Variants in ITSN1 observed in about 807,000 individuals in gnomAD.
ITSN1 encodes intersectin-1.
Under a neutral mutation model 239.8 loss-of-function variants are expected in ITSN1, and 58 were observed. The observed-to-expected ratio is 0.24, with a 90% CI of 0.20 to 0.30. The LOEUF is 0.30. Among genes scored for constraint, ITSN1 ranks in the 10% least tolerant of loss-of-function variants. The pLI, the probability that ITSN1 is intolerant of heterozygous loss-of-function variation, is 1.00. For missense variants in ITSN1, 1,558 were observed against 2,103.3 expected (o/e 0.74, Z 5.07); for synonymous variants, 780 against 770.8 (o/e 1.01, Z -0.20).
At chr21:33,642,838 C>A (rs2087517323) in intron 1 of ITSN1, 125 bp downstream of exon 1, 1 of 151,862 alleles carries the variant, frequency 6.6e-6, no homozygotes, top group South Asian at 2.1e-4. Context: ...CTTGTCTCCC[C>A]GGCCGCCCTT....
chr21:33,722,899 G>A (rs2065585573), intron 4 of ITSN1, among the ~76,000 whole-genome samples: 1 of 152,146 alleles, frequency 6.6e-6, no homozygotes, highest in Admixed American at 6.5e-5. Context: ...GAATTTCCAT[G>A]GAGACATCTA....
Position 33,834,384 on chromosome 21 carries a change from C to G in ITSN1, c.3429C>G (p.Ile1143Met), listed in dbSNP as rs1004780994. ...TTCTAAGCCCTGGGACGAGCAAAATCACTCCAACAGAGCCACCTAAGTCAA... is the reference window on the plus strand; with the variant it reads ...TTCTAAGCCCTGGGACGAGCAAAATGACTCCAACAGAGCCACCTAAGTCAA... Reference protein sequence around the residue: ...VKLLSPGTSKITPTEPPKSTA... With the variant: ...VKLLSPGTSKMTPTEPPKSTA... Residue 1143 changes from isoleucine (I) to methionine (M), a missense_variant, in exon 28 of 40, where the codon ATC (isoleucine) becomes ATG (methionine). This residue lies in a region of ITSN1 where 576 missense variants were observed against 893.3 expected (regional missense o/e 0.64). Coordinates refer to ENST00000381318, the MANE Select transcript of ITSN1 (RefSeq NM_003024.3). 6.2e-7 allele frequency: 1 copy of G among 1,613,560 alleles called. No homozygotes were observed. Among genetic ancestry groups the G allele is most frequent in the Non-Finnish European group, 8.5e-7 (1 of 1,179,720 alleles).
rs1986391633 is a variant in ITSN1 at position 33,891,950 on chromosome 21, T to C, written c.*3650T>C. ...ATTGGAAACAAAGTATGATTTGATT[T>C]GATTTGATTTCTAAGTTCTCCCTTC... is the stretch of plus-strand genomic sequence containing the variant. On this transcript the variant is annotated 3_prime_UTR_variant, in exon 40 of 40. Coordinates refer to ENST00000381318, the MANE Select transcript of ITSN1 (RefSeq NM_003024.3). The C allele has an allele frequency of 6.6e-6, 1 of 152,214 alleles. No individual in the cohort carries two copies. The allele number at this position is 152,214 out of a possible 1,614,324, so 9.4% of individuals were successfully genotyped here. A position where few individuals can be genotyped will look rare whatever the true frequency, so the allele number is the denominator to read the frequency against.
At chr21:33,802,242 G>A (rs1325791154) in intron 19 of ITSN1, among the ~76,000 whole-genome samples, 188 bp from the exon 20 acceptor site, 2 of 152,172 alleles carry the variant, frequency 1.3e-5, no homozygotes, top group Non-Finnish European at 2.9e-5. Flanking sequence ...ATGAGAAAGT[G>A]TTGCTCTTTT....
intron 22 of ITSN1, 110 bp downstream of exon 22, chr21:33,814,182 C>T: frequency 9.5e-7 from 1 of 1,049,244 alleles, no homozygotes. Context: ...TTATGTGTGT[C>T]TTGGTTGGCT....
chr21:33,650,543 G>C (rs2088423121), intron 1 of ITSN1, among the ~76,000 whole-genome samples: 2 of 152,202 alleles, frequency 1.3e-5, no homozygotes, highest in South Asian at 4.1e-4. Context: ...TATAATAGGA[G>C]TGTTCATTGT....
At chr21:33,658,471 T>C (rs1403956085) in intron 1 of ITSN1, among the ~76,000 whole-genome samples, 1 of 152,208 alleles carries the variant, frequency 6.6e-6, no homozygotes, top group African/African-American at 2.4e-5. Context: ...TACTGAATAC[T>C]GTAGGCAGCT....
intron 1 of ITSN1, among the ~76,000 whole-genome samples, chr21:33,662,482 G>C (rs1224066473): frequency 6.6e-6 from 1 of 152,062 alleles, no homozygotes; most frequent in African/African-American, 2.4e-5. Context: ...ATAGGTGATG[G>C]GGTATTGCCT....
At chr21:33,743,464 TCC>T (rs2066988523) in intron 5 of ITSN1, among the ~76,000 whole-genome samples, 1 of 152,152 alleles carries the variant, frequency 6.6e-6, no homozygotes, top group Non-Finnish European at 1.5e-5. Flanking sequence ...AGACTAGGTC[TCC>T]TAAATAAATA....
intron 29 of ITSN1, among the ~76,000 whole-genome samples, chr21:33,853,544 A>C (rs1217235900): frequency 2.0e-5 from 3 of 152,120 alleles, no homozygotes; most frequent in Non-Finnish European, 4.4e-5. Flanking sequence ...CTGAAATCCA[A>C]AGCAAGCCAG....
intron 36 of ITSN1, 57 bp downstream of exon 36, chr21:33,883,728 C>G (rs1258181677): frequency 6.3e-7 from 1 of 1,587,730 alleles, no homozygotes; most frequent in Non-Finnish European, 8.6e-7. Context: ...CTAGGACACA[C>G]AAGGGGCGGG....
At chr21:33,816,200 A>C (rs1426758485) in intron 22 of ITSN1, among the ~76,000 whole-genome samples, 1 of 152,128 alleles carries the variant, frequency 6.6e-6, no homozygotes, top group Non-Finnish European at 1.5e-5. Flanking sequence ...TCTCAAAAAA[A>C]AAAAAAGAAT....
chr21:33,775,145 A>G, intron 14 of ITSN1, 37 bp downstream of exon 14: 1 of 1,584,868 alleles, frequency 6.3e-7, no homozygotes, highest in Non-Finnish European at 8.6e-7. Flanking sequence ...ATTATATTAA[A>G]CTGGCATCCT....
intron 26 of ITSN1, 163 bp from the exon 27 acceptor site, chr21:33,829,460 TG>T: frequency 1.4e-6 from 1 of 706,452 alleles, no homozygotes; most frequent in Non-Finnish European, 2.4e-6. Context: ...CTGGTAGCTC[TG>T]GGAACGGGCG....
intron 7 of ITSN1, among the ~76,000 whole-genome samples, chr21:33,754,552 G>A (rs1446608377): frequency 6.6e-6 from 1 of 152,208 alleles, no homozygotes; most frequent in East Asian, 1.9e-4. Flanking sequence ...TGGTACCAGT[G>A]TGATATTTGT....
chr21:33,837,352 A>T lies in ITSN1; in HGVS notation c.3661+720A>T, dbSNP rs909981929. ...TTTAAATATATATTTTAGCTTTTTA[A>T]TAAACAAAATAAATAAATGACTTCT... On this transcript the variant is annotated intron_variant, in intron 29 of 39. Transcript: ENST00000381318. 7.2e-5 allele frequency: 72 copies of T among 1,006,562 alleles called. No homozygotes were observed. In the Middle Eastern group the frequency reaches 1.4e-3, roughly 20 times the overall value. The allele number at this position is 1,006,562 out of a possible 1,614,324, so 62.4% of individuals were successfully genotyped here. A position where few individuals can be genotyped will look rare whatever the true frequency, so the allele number is the denominator to read the frequency against.
rs1986845391 is a variant in ITSN1, at chr21:33,897,399, A to G, written c.*9099A>G. On this transcript the variant is annotated 3_prime_UTR_variant, in exon 40 of 40. Coordinates refer to ENST00000381318, the MANE Select transcript of ITSN1 (RefSeq NM_003024.3). ...TGTACCCTCACACGTATAGGTGGTG[A>G]ACTTATGTGTAAATACATGTGTACA... 6.6e-6 allele frequency: 1 copy of G among 152,254 alleles called. No homozygotes were observed. Among genetic ancestry groups the G allele is most frequent in the Non-Finnish European group, 1.5e-5 (1 of 68,046 alleles). 9.4% of individuals were successfully genotyped at this position (152,254 alleles called of 1,614,324 possible).
chr21:33,706,123 G>T (rs995182538), intron 1 of ITSN1, among the ~76,000 whole-genome samples: 1 of 152,134 alleles, frequency 6.6e-6, no homozygotes, highest in Non-Finnish European at 1.5e-5. Flanking sequence ...GGGTTCAAGT[G>T]ATTCTCCTGC....
intron 8 of ITSN1, 44 bp downstream of exon 8, chr21:33,755,441 A>G (rs765906967): frequency 5.5e-5 from 58 of 1,059,092 alleles, no homozygotes; most frequent in Non-Finnish European, 6.7e-5. Context: ...TTTGTTTTCA[A>G]TGTAAACTGT....
Sources: gnomAD v4.1 joint callset for allele counts (sites outside exome capture counted in the v4.1 genomes callset) on GRCh38, gnomAD v4.1.1 for gene constraint, gnomAD v4.1.1 regional missense constraint, MANE v1.5 for transcripts, NCBI Gene and HGNC (gene_info 2026-07-23, HGNC 2026-07-21) for gene names.